The following FMNL2 variants were observed in gnomAD, a reference collection of about 807,000 sequenced individuals.
FMNL2 encodes formin-like protein 2.
A neutral mutation model predicts 130.2 loss-of-function variants in FMNL2; 51 were observed. That is an observed-to-expected ratio of 0.39 (90% CI 0.31 to 0.49). The LOEUF (loss-of-function observed/expected upper bound fraction) is 0.49, where lower values mean the gene tolerates loss of function less well. FMNL2 is among the 20% of genes least tolerant of loss of function. FMNL2 has a pLI of 0.85. For synonymous variants in FMNL2, 465 were observed against 467.1 expected (o/e 1.00, Z 0.06); for missense variants, 977 against 1,316.2 (o/e 0.74, Z 3.99).
intron 9 of FMNL2, among the ~76,000 whole-genome samples, chr2:152,590,602 A>G (rs1473287047): frequency 6.6e-6 from 1 of 152,078 alleles, no homozygotes; most frequent in Admixed American, 6.5e-5. Context: ...TGACAGAGTA[A>G]GACTCTGTCT....
At chr2:152,399,680 T>A (rs190717317) in intron 1 of FMNL2, among the ~76,000 whole-genome samples, 147 of 152,242 alleles carry the variant, frequency 9.7e-4, no homozygotes, top group Non-Finnish European at 1.6e-3. Flanking sequence ...TTATTTAGAC[T>A]TTAGGGAGGG....
At position 152,492,050 on chromosome 2, in the gene FMNL2, G is replaced by A. The variant is rs866758120; in HGVS notation, c.118-29893G>A. Among the ~76,000 whole-genome samples, 52 of 152,154 alleles carry A rather than the reference G, an allele frequency of 3.4e-4. 1 individual carries two copies. Among genetic ancestry groups the A allele is most frequent in the African/African-American group, 1.0e-3 (43 of 41,442 alleles). ...TATGTACTATGAAAAATAGTAAATT[G>A]CTTTTGTAAAAATAAAAAGTACTGG... On this transcript the variant is annotated intron_variant, in intron 1 of 25. Coordinates refer to ENST00000288670, the MANE Select transcript of FMNL2 (RefSeq NM_052905.4).
Position 152,444,111 on chromosome 2 carries a change from CTATT to C in FMNL2, c.118-77829_118-77826del, listed in dbSNP as rs567617535. On this transcript the variant is annotated intron_variant, in intron 1 of 25. Coordinates refer to ENST00000288670, the MANE Select transcript of FMNL2 (RefSeq NM_052905.4). ...TTAGGAGGGTCAGGACAGAAACTGACTATTTAAGCAGTAAGTTCCAGAAGACTGG... is the reference window on the plus strand; with the variant it reads ...TTAGGAGGGTCAGGACAGAAACTGACTAAGCAGTAAGTTCCAGAAGACTGG... 2.7e-4 allele frequency among the ~76,000 whole-genome samples: 41 copies of C among 152,212 alleles called. No individual in the cohort carries two copies. In the East Asian group the frequency reaches 7.7e-3, roughly 29 times the overall value.
intron 4 of FMNL2, among the ~76,000 whole-genome samples, chr2:152,552,199 G>A (rs188475456): frequency 1.2e-4 from 18 of 152,192 alleles, no homozygotes; most frequent in African/African-American, 4.3e-4. Flanking sequence ...CTAATAAAGG[G>A]TCTGAAACAT....
intron 1 of FMNL2, among the ~76,000 whole-genome samples, chr2:152,505,929 A>G (rs1008266782): frequency 6.6e-6 from 1 of 152,228 alleles, no homozygotes; most frequent in Non-Finnish European, 1.5e-5. Flanking sequence ...ATTGTTAATA[A>G]TTATGCCAGG....
chr2:152,375,877 C>CTCTCTCTCTCTCTCTATATATATATA, intron 1 of FMNL2, among the ~76,000 whole-genome samples: 4 of 112,484 alleles, frequency 3.6e-5, no homozygotes, highest in South Asian at 3.6e-4. Context: ...CTCTCTCTCT[C>CTCTCTCTCTCTCTCTATATATATATA]TATATATATA....
At chr2:152,524,669 C>A (rs1693286167) in intron 2 of FMNL2, among the ~76,000 whole-genome samples, 1 of 152,168 alleles carries the variant, frequency 6.6e-6, no homozygotes, top group Non-Finnish European at 1.5e-5. Flanking sequence ...CTTTCAGTGG[C>A]ATTTACACTT....
intron 15 of FMNL2, among the ~76,000 whole-genome samples, chr2:152,621,861 T>C (rs528333842): frequency 6.6e-6 from 1 of 152,270 alleles, no homozygotes; most frequent in East Asian, 1.9e-4. Context: ...GCTGAGCTAA[T>C]ATTCTGAAGC....
chr2:152,491,088 C>T (rs1029943982), intron 1 of FMNL2, among the ~76,000 whole-genome samples: 2 of 152,080 alleles, frequency 1.3e-5, no homozygotes, highest in African/African-American at 2.4e-5. Context: ...TTCCTCCTGC[C>T]CTCTTTTGGT....
At chr2:152,523,435 C>G (rs1205380908) in intron 2 of FMNL2, among the ~76,000 whole-genome samples, 2 of 152,062 alleles carry the variant, frequency 1.3e-5, no homozygotes, top group African/African-American at 2.4e-5. Context: ...TCTCATTATT[C>G]CTGCCTGCAT....
chr2:152,370,791 A>G (rs760060613), intron 1 of FMNL2, among the ~76,000 whole-genome samples: 1 of 152,232 alleles, frequency 6.6e-6, no homozygotes, highest in Non-Finnish European at 1.5e-5. Context: ...TGTTGTGTAA[A>G]CAATAACAAA....
chr2:152,474,537 T>G (rs1006823835), intron 1 of FMNL2, among the ~76,000 whole-genome samples: 2 of 151,706 alleles, frequency 1.3e-5, no homozygotes, highest in Admixed American at 1.3e-4. Flanking sequence ...ATACAAAAAA[T>G]TAGCCAGGCG....
Position 152,601,667 on chromosome 2 carries a change from C to CTTTTTTTTTT in FMNL2, c.877-5669_877-5668insTTTTTTTTTT, listed in dbSNP as rs36031692. Among the ~76,000 whole-genome samples the CTTTTTTTTTT allele has an allele frequency of 6.0e-5, 8 of 132,236 alleles. 1 individual carries two copies. Among genetic ancestry groups the CTTTTTTTTTT allele is most frequent in the African/African-American group, 1.2e-4 (4 of 32,248 alleles). 86.8% of individuals were successfully genotyped at this position (132,236 alleles called of 152,430 possible). A position where few individuals can be genotyped will look rare whatever the true frequency, so the allele number is the denominator to read the frequency against. On this transcript the variant is annotated intron_variant, in intron 9 of 25. Transcript: ENST00000288670. ...CTAAGGCTCTCTTTTCTTTTCTTTT[C>CTTTTTTTTTT]TTTCTTTTTTTTTTTTTTTTGAGAC...
chr2:152,497,161 T>G (rs1326563910), intron 1 of FMNL2, among the ~76,000 whole-genome samples: 1 of 152,212 alleles, frequency 6.6e-6, no homozygotes, highest in African/African-American at 2.4e-5. Flanking sequence ...CCCTTATATG[T>G]AACTCTTTTA....
In FMNL2 at chr2:152,564,776, GTTTTT is replaced by G. The variant is rs56378937; in HGVS notation, c.596+3759_596+3763del. On this transcript the variant is annotated intron_variant, in intron 6 of 25. Transcript: ENST00000288670. ...CACTGCGTTCTAAAATACAAGGTTG[GTTTTT>G]TTTTTTTTTTTTTTTTTAACCAAAT... is the stretch of plus-strand genomic sequence containing the variant. Among the ~76,000 whole-genome samples the G allele has an allele frequency of 0.011, 886 of 79,382 alleles. 22 individuals are homozygous for G. The Middle Eastern group carries it at 0.11, about 10-fold the overall frequency. The allele number at this position is 79,382 out of a possible 152,430, so 52.1% of individuals were successfully genotyped here.
chr2:152,565,888 T>C (rs1465286436), intron 6 of FMNL2, among the ~76,000 whole-genome samples: 1 of 152,078 alleles, frequency 6.6e-6, no homozygotes, highest in Admixed American at 6.5e-5. Context: ...CAAGAAATCG[T>C]CCCCCTTCAG....
At chr2:152,548,400 A>G (rs1194435177) in intron 3 of FMNL2, among the ~76,000 whole-genome samples, 2 of 152,174 alleles carry the variant, frequency 1.3e-5, no homozygotes, top group Admixed American at 6.5e-5. Context: ...TATGAAAACA[A>G]TACGGCTTAT....
At chr2:152,624,230 GC>G in intron 15 of FMNL2, among the ~76,000 whole-genome samples, 1 of 150,686 alleles carries the variant, frequency 6.6e-6, no homozygotes, top group African/African-American at 2.4e-5. Flanking sequence ...TGATCTCGGT[GC>G]ACTGCAACCT....
At chr2:152,524,746 C>T (rs528017171) in intron 2 of FMNL2, among the ~76,000 whole-genome samples, 8 of 152,182 alleles carry the variant, frequency 5.3e-5, no homozygotes, top group African/African-American at 1.7e-4. Context: ...CTGTGCTGCA[C>T]GTTTTGGTTT....
Sources: gnomAD v4.1 joint callset for allele counts (sites outside exome capture counted in the v4.1 genomes callset) on GRCh38, gnomAD v4.1.1 for gene constraint, MANE v1.5 for transcripts, NCBI Gene and HGNC (gene_info 2026-07-23, HGNC 2026-07-21) for gene names.